Variants in RPH3A observed in about 807,000 individuals in gnomAD.
RPH3A encodes the protein rabphilin 3A.
RPH3A carries 48 observed loss-of-function variants against 102.2 expected under a neutral mutation model. That is an observed-to-expected ratio of 0.47 (90% CI 0.37 to 0.60). The LOEUF is 0.60. Ranked by LOEUF, RPH3A falls within the 20% of genes least tolerant of loss-of-function variation. The pLI, the probability that RPH3A is intolerant of heterozygous loss-of-function variation, is 0.00. For missense variants in RPH3A, 781 were observed against 910.1 expected, an observed-to-expected ratio of 0.86 and a Z score of 1.83; for synonymous variants, 310 against 324.3, an observed-to-expected ratio of 0.96 and a Z score of 0.47.
intron 2 of RPH3A, among the ~76,000 whole-genome samples, chr12:112,825,613 C>T (rs973164122): frequency 1.3e-5 from 2 of 152,176 alleles, no homozygotes; most frequent in Admixed American, 1.3e-4. Context: ...CTGAGTTGAG[C>T]CGCACTGACA....
chr12:112,587,755 T>A (rs141863170), intron 1 of RPH3A, among the ~76,000 whole-genome samples: 14 of 152,360 alleles, frequency 9.2e-5, no homozygotes, highest in Non-Finnish European at 1.6e-4. Flanking sequence ...TTGCTGAACC[T>A]GTAGGAACTA....
intron 1 of RPH3A, among the ~76,000 whole-genome samples, chr12:112,636,741 C>T (rs1178158308): frequency 6.6e-6 from 1 of 152,134 alleles, no homozygotes; most frequent in Non-Finnish European, 1.5e-5. Context: ...TGAGTGTAGG[C>T]TTGAGATAGA....
intron 14 of RPH3A, 98 bp downstream of exon 14, chr12:112,879,296 G>A: frequency 9.6e-7 from 1 of 1,040,808 alleles, no homozygotes; most frequent in Middle Eastern, 2.1e-4. Context: ...TCCTGTTGTT[G>A]CTTGTCTATC....
chr12:112,828,873 A>T (rs1379282199), intron 3 of RPH3A, among the ~76,000 whole-genome samples: 1 of 152,236 alleles, frequency 6.6e-6, no homozygotes, highest in African/African-American at 2.4e-5. Flanking sequence ...TTTCACACGA[A>T]AGTCCAGATT....
At chr12:112,758,312 C>T (rs2040834329) in intron 1 of RPH3A, among the ~76,000 whole-genome samples, 1 of 152,218 alleles carries the variant, frequency 6.6e-6, no homozygotes. Flanking sequence ...CTCTTACTTC[C>T]CTGGGATTGC....
intron 1 of RPH3A, among the ~76,000 whole-genome samples, chr12:112,663,766 G>T (rs1485392592): frequency 2.0e-5 from 3 of 152,148 alleles, no homozygotes; most frequent in Admixed American, 2.0e-4. Flanking sequence ...TGGCCTCATT[G>T]TCTCCTGCTA....
At chr12:112,682,310 T>C (rs919283699) in intron 1 of RPH3A, among the ~76,000 whole-genome samples, 1 of 151,752 alleles carries the variant, frequency 6.6e-6, no homozygotes, top group African/African-American at 2.4e-5. Flanking sequence ...AGAAGATAAA[T>C]GTCCCAGCTC....
At chr12:112,649,382 G>A (rs1207592324) in intron 1 of RPH3A, 2 of 152,212 alleles carry the variant, frequency 1.3e-5, no homozygotes, top group Non-Finnish European at 2.9e-5. Context: ...CTAAGGTGAT[G>A]GAGGCAGTAA....
chr12:112,713,102 T>TCTTCTTCTTCTTCTTCTTC (rs575141531), intron 1 of RPH3A, among the ~76,000 whole-genome samples: 1 of 135,552 alleles, frequency 7.4e-6, no homozygotes, highest in Non-Finnish European at 1.6e-5. Flanking sequence ...TTCTTCTTCT[T>TCTTCTTCTTCTTCTTCTTC]TTATTTTTTT....
chr12:112,774,206 A>G (rs1302930317), intron 1 of RPH3A, among the ~76,000 whole-genome samples: 1 of 152,228 alleles, frequency 6.6e-6, no homozygotes, highest in African/African-American at 2.4e-5. Flanking sequence ...AGAGAGGTAT[A>G]TCTATGTATG....
rs568610704 is a variant in RPH3A, at chr12:112,606,994, G to A, written c.-140+31675G>A. Reference sequence around the variant, plus strand: ...TTGCTTTTCGTATCTGTAAAATGGGGATAAAACAGTACCTACTTCATAGGA... The same window carrying A: ...TTGCTTTTCGTATCTGTAAAATGGGAATAAAACAGTACCTACTTCATAGGA... On this transcript the variant is annotated intron_variant, in intron 1 of 21. Transcript: ENST00000543106. 6.6e-5 allele frequency among the ~76,000 whole-genome samples: 10 copies of A among 152,214 alleles called. No homozygotes were observed. The South Asian group carries it at 1.7e-3, about 25-fold the overall frequency.
rs1199087573 is a variant in RPH3A at position 112,638,820 on chromosome 12, TGA to T, written c.-140+63503_-140+63504del. Among the ~76,000 whole-genome samples, 3 of 152,130 alleles carry T rather than the reference TGA, an allele frequency of 2.0e-5. No homozygotes were observed. In the South Asian group the frequency reaches 6.2e-4, roughly 32 times the overall value. On this transcript the variant is annotated intron_variant, in intron 1 of 21. Coordinates refer to the RPH3A transcript ENST00000543106. ...AGAAGGCAGAATGCCCTATATGAGA[TGA>T]GGAAACCCGAGATGATAGAGAAACT...
At chr12:112,855,021 C>CCT (rs34067836) in intron 5 of RPH3A, among the ~76,000 whole-genome samples, 48,608 of 151,996 alleles carry the variant, frequency 0.32, 8,757 homozygotes, top group East Asian at 0.51. Flanking sequence ...CCCCTTCAGG[C>CCT]CTCAGCACCA....
At chr12:112,694,606 A>AGGCAGAGAGAGAGAGAGAGACC (rs2040332511) in intron 1 of RPH3A, among the ~76,000 whole-genome samples, 1 of 151,758 alleles carries the variant, frequency 6.6e-6, no homozygotes, top group Non-Finnish European at 1.5e-5. Flanking sequence ...AGAGAGAGAC[A>AGGCAGAGAGAGAGAGAGAGACC]GACAGAGAGA....
chr12:112,614,814 T>G (rs1359395866), intron 1 of RPH3A, among the ~76,000 whole-genome samples: 1 of 152,054 alleles, frequency 6.6e-6, no homozygotes, highest in East Asian at 1.9e-4. Flanking sequence ...AGTTGGAGTC[T>G]TGCTTTGTCT....
intron 3 of RPH3A, among the ~76,000 whole-genome samples, chr12:112,831,137 G>A (rs1020060620): frequency 2.6e-5 from 4 of 151,012 alleles, no homozygotes; most frequent in Non-Finnish European, 5.9e-5. Flanking sequence ...ACAGGCGGCT[G>A]ACTGTATTTG....
chr12:112,631,827 A>G (rs2039808379), intron 1 of RPH3A, among the ~76,000 whole-genome samples: 1 of 152,120 alleles, frequency 6.6e-6, no homozygotes, highest in African/African-American at 2.4e-5. Context: ...CCTGGCCTGA[A>G]AGCGTGTAAA....
intron 2 of RPH3A, among the ~76,000 whole-genome samples, chr12:112,795,163 C>G (rs1165922583): frequency 6.6e-6 from 1 of 152,170 alleles, no homozygotes; most frequent in East Asian, 1.9e-4. Flanking sequence ...TAACTCTTTC[C>G]CTCTCTGTGA....
In RPH3A at chr12:112,641,859, G is replaced by A. The variant is rs540063130; in HGVS notation, c.-140+66540G>A. On this transcript the variant is annotated intron_variant, in intron 1 of 21. Transcript: ENST00000543106. ...TCAGGATTTAGTGAGCACATAACAG[G>A]ATCAAGGCTCTTCTAAGCATTCTAT... Among the ~76,000 whole-genome samples the A allele has an allele frequency of 2.6e-5, 4 of 152,276 alleles. 1 individual carries two copies. The highest frequency in any genetic ancestry group is 9.6e-5 in the African/African-American group (4 of 41,574).
Sources: allele counts gnomAD v4.1 joint callset (sites outside exome capture counted in the v4.1 genomes callset), GRCh38; gene constraint gnomAD v4.1.1; transcripts MANE v1.5; gene names NCBI Gene and HGNC (gene_info 2026-07-23, HGNC 2026-07-21).